BIRC6: variants seen among roughly 807,000 people sequenced by gnomAD.
BIRC6 encodes the protein dual E2 ubiquitin-conjugating enzyme/E3 ubiquitin-protein ligase BIRC6.
In BIRC6, 98 loss-of-function variants were observed where a neutral mutation model predicts 503.3. That is an observed-to-expected ratio of 0.19 (90% CI 0.17 to 0.23). The LOEUF (loss-of-function observed/expected upper bound fraction) is 0.23. BIRC6 is among the 10% of genes least tolerant of loss of function. The pLI, the probability that BIRC6 is intolerant of heterozygous loss-of-function variation, is 1.00. For synonymous variants in BIRC6, 2,240 were observed against 2,078.7 expected, an observed-to-expected ratio of 1.08 and a Z score of -2.11; for missense variants, 5,360 against 5,806.0, an observed-to-expected ratio of 0.92 and a Z score of 2.50.
At chr2:32,531,650 A>G in intron 61 of BIRC6, 99 bp downstream of exon 61, 1 of 1,068,860 alleles carries the variant, frequency 9.4e-7, no homozygotes, top group Non-Finnish European at 1.3e-6. Context: ...ACTTTGTAGA[A>G]ATACCCTTTG....
At chr2:32,573,430 C>T (rs1041898965) in intron 65 of BIRC6, among the ~76,000 whole-genome samples, 3 of 152,044 alleles carry the variant, frequency 2.0e-5, no homozygotes, top group South Asian at 2.1e-4. Flanking sequence ...TCCTGACCCC[C>T]GGTGATCCAT....
At position 32,472,211 on chromosome 2, in the gene BIRC6, C is replaced by A. The variant is rs111898840; in HGVS notation, c.6593-901C>A. Reference sequence around the variant, plus strand: ...CCTCCCAAGTAGCTGGGATTATAGGCGTGTACCACCACGCCCGGCTAATTG... The same window carrying A: ...CCTCCCAAGTAGCTGGGATTATAGGAGTGTACCACCACGCCCGGCTAATTG... On this transcript the variant is annotated intron_variant, in intron 32 of 73. Transcript: ENST00000421745. 6.4e-3 allele frequency among the ~76,000 whole-genome samples: 969 copies of A among 152,154 alleles called. 11 individuals carry two copies. Among genetic ancestry groups the A allele is most frequent in the Admixed American group, 0.014 (210 of 15,276 alleles).
intron 66 of BIRC6, among the ~76,000 whole-genome samples, chr2:32,590,614 T>G (rs1364087323): frequency 6.6e-6 from 1 of 152,220 alleles, no homozygotes; most frequent in African/African-American, 2.4e-5. Context: ...AGGTATGGGT[T>G]TGCTTTTTTG....
chr2:32,458,683 CTTTT>C (rs1166608470), intron 23 of BIRC6, among the ~76,000 whole-genome samples: 4 of 89,460 alleles, frequency 4.5e-5, no homozygotes, highest in South Asian at 3.3e-4. Flanking sequence ...ACTCTATTGC[CTTTT>C]TTTTTTTTTT....
At chr2:32,566,609 C>G (rs553175329) in intron 65 of BIRC6, among the ~76,000 whole-genome samples, 1 of 152,180 alleles carries the variant, frequency 6.6e-6, no homozygotes, top group Non-Finnish European at 1.5e-5. Context: ...CTGCCCCAGC[C>G]TTCCAAATCC....
At chr2:32,446,773 TTGATCATTCTTGGGTGTTTCTCGC>T (rs2046014429) in intron 21 of BIRC6, among the ~76,000 whole-genome samples, 1 of 101,484 alleles carries the variant, frequency 9.9e-6, no homozygotes, top group Non-Finnish European at 2.0e-5. Flanking sequence ...TTTTTTTTTA[TTGATCATTCTTGGGTGTTTCTCGC>T]AGAAGGGGAT....
rs546189364 is a variant in BIRC6, at chr2:32,372,207, GCATAGATTGATGTAACCCAC to G, written c.326-5377_326-5358del. Among the ~76,000 whole-genome samples, 29 of 152,194 alleles carry G rather than the reference GCATAGATTGATGTAACCCAC, an allele frequency of 1.9e-4. No homozygotes were observed. The East Asian group carries it at 5.4e-3, about 28-fold the overall frequency. ...GTACTTGTCATACAGGTACACACAT[GCATAGATTGATGTAACCCAC>G]CATCACAGTCAGGATACAGACCAGT... On this transcript the variant is annotated intron_variant, in intron 1 of 73. Transcript: ENST00000421745.
In BIRC6 at chr2:32,415,845, C is replaced by A; in HGVS notation, c.2554C>A (p.Pro852Thr). The part of the protein sequence containing the change: ...EPIKIQHIKD[P>T]QDTITSLILL... ...AATAAAAATACAACATATCAAAGAT[C>A]CCCAGGACACAATTACCTCGCTCAT... is the stretch of plus-strand genomic sequence containing the variant. The change falls in exon 10 of 74, where the codon CCC becomes ACC. Residue 852 changes from proline (P) to threonine (T), a missense_variant. Coordinates refer to ENST00000421745, the MANE Select transcript of BIRC6 (RefSeq NM_016252.4). 1 of 1,613,806 alleles carries A rather than the reference C, an allele frequency of 6.2e-7. No homozygotes were observed. The highest frequency in any genetic ancestry group is 8.5e-7 in the Non-Finnish European group (1 of 1,179,862).
At chr2:32,551,941 T>G (rs533351465) in intron 65 of BIRC6, among the ~76,000 whole-genome samples, 1 of 152,202 alleles carries the variant, frequency 6.6e-6, no homozygotes, top group Admixed American at 6.5e-5. Flanking sequence ...GACATTGTAT[T>G]CAAGGGATGA....
chr2:32,438,582 C>T lies in BIRC6; in HGVS notation c.3632-926C>T, dbSNP rs1225663993. Among the ~76,000 whole-genome samples the T allele has an allele frequency of 1.3e-4, 16 of 124,294 alleles. No homozygotes were observed. The East Asian group carries it at 3.6e-3, about 28-fold the overall frequency. 81.5% of individuals were successfully genotyped at this position (124,294 alleles called of 152,430 possible). On this transcript the variant is annotated intron_variant, in intron 15 of 73. Transcript: ENST00000421745. ...TCTTTTTTTTTTTTTTTTTTTGAGA[C>T]GGAGTCTTGCTCTGTCGCCCAGGCT...
intron 1 of BIRC6, among the ~76,000 whole-genome samples, chr2:32,371,485 C>T (rs2035941163): frequency 6.6e-6 from 1 of 151,856 alleles, no homozygotes; most frequent in African/African-American, 2.4e-5. Flanking sequence ...AGTGAGTCTC[C>T]TGCCTCAGCC....
Position 32,518,295 on chromosome 2 carries a change from C to A in BIRC6, c.11391C>A (p.Asn3797Lys). The A allele has an allele frequency of 6.2e-7, 1 of 1,612,960 alleles. No homozygotes were observed. Among genetic ancestry groups the A allele is most frequent in the South Asian group, 1.1e-5 (1 of 90,822 alleles). The change falls in exon 56 of 74, where the codon AAC becomes AAA. Residue 3797 changes from asparagine to lysine, a missense_variant. Coordinates refer to ENST00000421745, the MANE Select transcript of BIRC6 (RefSeq NM_016252.4). ...TTCAGACATCTCCTCAAAGAGGGAA[C>A]CTTCCAACATCTGGGAACATTTCAG... ...ELFQTSPQRGNLPTSGNISGF... is the reference protein window; with the variant it reads ...ELFQTSPQRGKLPTSGNISGF...
chr2:32,572,144 C>T (rs1042622189), intron 65 of BIRC6, among the ~76,000 whole-genome samples: 3 of 152,092 alleles, frequency 2.0e-5, no homozygotes, highest in Non-Finnish European at 2.9e-5. Context: ...TATGGACTAA[C>T]GTGGTCTGTC....
chr2:32,436,272 T>C (rs1317387170), intron 15 of BIRC6, 88 bp downstream of exon 15: 6 of 1,173,674 alleles, frequency 5.1e-6, no homozygotes, highest in Non-Finnish European at 6.6e-6. Flanking sequence ...AAAAATAAGA[T>C]TGTTTTCTTT....
At chr2:32,536,587 C>G (rs547927386) in intron 61 of BIRC6, among the ~76,000 whole-genome samples, 9 of 152,060 alleles carry the variant, frequency 5.9e-5, no homozygotes, top group African/African-American at 9.7e-5. Flanking sequence ...TCTTGTTTTT[C>G]TCAGGTTTGT....
chr2:32,588,016 GAGT>G (rs1559112889), intron 66 of BIRC6, among the ~76,000 whole-genome samples: 1 of 152,134 alleles, frequency 6.6e-6, no homozygotes, highest in African/African-American at 2.4e-5. Context: ...CTTTTATGAA[GAGT>G]AGGTCAGCTT....
chr2:32,438,006 G>C (rs1170921853), intron 15 of BIRC6, among the ~76,000 whole-genome samples: 1 of 152,076 alleles, frequency 6.6e-6, no homozygotes, highest in African/African-American at 2.4e-5. Context: ...TGCCCAGGCT[G>C]GTCTCCAACT....
At chr2:32,590,958 G>A (rs1306736559) in intron 66 of BIRC6, 2 of 985,680 alleles carry the variant, frequency 2.0e-6, no homozygotes, top group African/African-American at 3.5e-5. Context: ...TTTTCACACA[G>A]ACTTCAGGAT....
At position 32,476,226 on chromosome 2, in the gene BIRC6, T is replaced by C. The variant is rs1450573499; in HGVS notation, c.6734T>C (p.Leu2245Pro). 7.1e-6 allele frequency: 11 copies of C among 1,545,200 alleles called. No homozygotes were observed. The highest frequency in any genetic ancestry group is 9.6e-6 in the Non-Finnish European group (11 of 1,145,170). The change falls in exon 34 of 74, where the codon CTA becomes CCA. Residue 2245 changes from leucine (L) to proline (P), a missense_variant. Transcript: ENST00000421745. ...TGTTTTATAAAGCAACTTAACCTAC[T>C]AAAAGCAAAGCAGAAGGCATTGGTA... ...LVHHKQQLNL[L>P]KAKQKALVEQ...
Sources: gnomAD v4.1 joint callset for allele counts (sites outside exome capture counted in the v4.1 genomes callset) on GRCh38, gnomAD v4.1.1 for gene constraint, MANE v1.5 for transcripts, NCBI Gene and HGNC (gene_info 2026-07-23, HGNC 2026-07-21) for gene names.